The following DSC2 variants were observed in gnomAD, a reference collection of about 807,000 sequenced individuals.
DSC2 encodes desmocollin-2.
DSC2 carries 51 observed loss-of-function variants against 87.6 expected under a neutral mutation model. That is an observed-to-expected ratio of 0.58 (90% confidence interval 0.46 to 0.74). DSC2 has a LOEUF of 0.74. DSC2 is among the 30% of genes least tolerant of loss of function. DSC2 has a pLI of 0.00. For synonymous variants in DSC2, 383 were observed against 393.2 expected (o/e 0.97, Z 0.31); for missense variants, 1,066 against 1,089.5 (o/e 0.98, Z 0.30).
Position 31,080,153 on chromosome 18 carries a change from G to T in DSC2, c.1463C>A (p.Thr488Lys). The T allele has an allele frequency of 6.2e-7, 1 of 1,613,992 alleles. No homozygotes were observed. Among genetic ancestry groups the T allele is most frequent in the Non-Finnish European group, 8.5e-7 (1 of 1,179,998 alleles). The change falls in exon 10 of 16, where the codon ACA (threonine) becomes AAA (lysine). Residue 488 changes from threonine to lysine, a missense_variant. Physicochemically the swap from Thr to Lys is moderately conservative, Grantham distance 78 (BLOSUM62 -1). Transcript: ENST00000280904. ...ATATGCTTTATATCCATTGCTTGTT[G>T]TTCCCACTTCTGCATTTTCTTTCAT... ...VRMKENAEVG[T>K]TSNGYKAYDP...
intron 1 of DSC2, 93 bp downstream of exon 1, chr18:31,101,810 C>T: frequency 3.1e-6 from 4 of 1,307,776 alleles, no homozygotes; most frequent in Non-Finnish European, 4.1e-6. Flanking sequence ...CCAGCTTTTC[C>T]CGCCACCCCC....
Position 31,071,820 on chromosome 18 carries a change from T to C in DSC2, c.1910A>G (p.Tyr637Cys), listed in dbSNP as rs758990451. The C allele has an allele frequency of 1.2e-6, 2 of 1,613,778 alleles. No individual in the cohort carries two copies. Among genetic ancestry groups the C allele is most frequent in the Admixed American group, 3.3e-5 (2 of 60,018 alleles). Reference sequence around the variant, plus strand: ...TGAGCCAAATGGAGGATCATTCTGATAGGAAAGACGTGCTGCTGTATCTGA... The same window carrying C: ...TGAGCCAAATGGAGGATCATTCTGACAGGAAAGACGTGCTGCTGTATCTGA... ...AINDTAARLS[Y>C]QNDPPFGSYV... The change falls in exon 13 of 16, where the codon TAT becomes TGT. Residue 637 changes from tyrosine to cysteine, a missense_variant. Physicochemically the swap from Tyr to Cys is radical, Grantham distance 194. Transcript: ENST00000280904.
chr18:31,079,139 T>C (rs1458666771), intron 11 of DSC2, among the ~76,000 whole-genome samples: 1 of 152,200 alleles, frequency 6.6e-6, no homozygotes, highest in Admixed American at 6.5e-5. Context: ...TGTGTAAGTA[T>C]GTTTTCCAGG....
rs564893512 is a variant in DSC2, at chr18:31,061,604, C to G, written c.*6411G>C. On this transcript the variant is annotated 3_prime_UTR_variant, in exon 16 of 16. Transcript: ENST00000280904. ...TTTTAAATTAAAGTGCTCTGTTTACCTGACTAGCTATTTCAAAGCTCTAGC... is the reference window on the plus strand; with the variant it reads ...TTTTAAATTAAAGTGCTCTGTTTACGTGACTAGCTATTTCAAAGCTCTAGC... 6.6e-6 allele frequency: 1 copy of G among 152,228 alleles called. No homozygotes were observed. The highest frequency in any genetic ancestry group is 6.5e-5 in the Admixed American group (1 of 15,270). The allele number at this position is 152,228 out of a possible 1,614,324, so 9.4% of individuals were successfully genotyped here.
intron 11 of DSC2, among the ~76,000 whole-genome samples, chr18:31,079,100 A>G (rs1397629444): frequency 1.3e-5 from 2 of 152,256 alleles, no homozygotes; most frequent in African/African-American, 4.8e-5. Flanking sequence ...CTTCCTGTAA[A>G]AAGTTAGAGC....
intron 11 of DSC2, among the ~76,000 whole-genome samples, chr18:31,078,260 G>T (rs1233549228): frequency 6.6e-6 from 1 of 152,148 alleles, no homozygotes; most frequent in Non-Finnish European, 1.5e-5. Flanking sequence ...AATTCACAAA[G>T]TAAACACATG....
chr18:31,064,501 AAAG>A lies in DSC2; in HGVS notation c.*3511_*3513del, dbSNP rs2144772443. 6.6e-6 allele frequency: 1 copy of A among 152,318 alleles called. No homozygotes were observed. The highest frequency in any genetic ancestry group is 2.1e-4 in the South Asian group (1 of 4,834). 9.4% of individuals were successfully genotyped at this position (152,318 alleles called of 1,614,324 possible). ...TGGCAAAAAATAGAGGATGCTATGG[AAAG>A]AAGAGAGAGGAATCAAGGATTCTCT... On this transcript the variant is annotated 3_prime_UTR_variant, in exon 16 of 16. Transcript: ENST00000280904.
intron 1 of DSC2, among the ~76,000 whole-genome samples, chr18:31,095,608 T>C (rs1347528668): frequency 6.6e-6 from 1 of 152,158 alleles, no homozygotes; most frequent in Non-Finnish European, 1.5e-5. Context: ...AGACAATTCT[T>C]TGAATAACAG....
intron 1 of DSC2, among the ~76,000 whole-genome samples, chr18:31,100,216 T>C (rs1987893845): frequency 6.6e-6 from 1 of 152,042 alleles, no homozygotes; most frequent in Non-Finnish European, 1.5e-5. Context: ...TCCCCGCCTA[T>C]CAAACTCCGA....
intron 5 of DSC2, among the ~76,000 whole-genome samples, chr18:31,089,189 C>A (rs1987504872): frequency 7.1e-6 from 1 of 141,256 alleles, no homozygotes; most frequent in African/African-American, 2.6e-5. Flanking sequence ...AAAAACTGTT[C>A]TTCAAAGTGG....
chr18:31,079,636 G>GTTTC (rs1321571771), intron 11 of DSC2, among the ~76,000 whole-genome samples: 82 of 152,230 alleles, frequency 5.4e-4, no homozygotes, highest in African/African-American at 1.8e-3. Flanking sequence ...GTTTCTAAGA[G>GTTTC]TAAATTATTT....
chr18:31,091,191 T>C (rs1350005486), intron 3 of DSC2, 44 bp from the exon 4 acceptor site: 2 of 1,607,964 alleles, frequency 1.2e-6, no homozygotes, highest in Non-Finnish European at 1.7e-6. Context: ...CAATGACTAC[T>C]TTATTCTCAA....
Position 31,089,569 on chromosome 18 carries a change from T to G in DSC2, c.500A>C (p.Tyr167Ser), listed in dbSNP as rs1987523408. The G allele has an allele frequency of 1.2e-6, 2 of 1,613,958 alleles. No homozygotes were observed. Among genetic ancestry groups the G allele is most frequent in the Non-Finnish European group, 1.7e-6 (2 of 1,179,918 alleles). ...ACCTCTTATGGAATAGTATATGGTA[T>G]AGTTTTGGGCCGTGTCAGATTGAAC... ...QQVQSDTAQN[Y>S]TIYYSIRGPG... Residue 167 changes from tyrosine (Y) to serine (S), a missense_variant, in exon 5 of 16, where the codon TAT becomes TCT. Coordinates refer to ENST00000280904, the MANE Select transcript of DSC2 (RefSeq NM_024422.6).
In DSC2 at chr18:31,093,598, C is replaced by T. The variant is rs1447651355; in HGVS notation, c.115G>A (p.Val39Ile). Reference sequence around the variant, plus strand: ...TTCTCGGCATCTAGTTTGGAGGGAACATGTAATGTCACATTTTTGCAGGCA... The same window carrying T: ...TTCTCGGCATCTAGTTTGGAGGGAATATGTAATGTCACATTTTTGCAGGCA... ...SDACKNVTLH[V>I]PSKLDAEKLV... Residue 39 changes from valine (V) to isoleucine (I), a missense_variant, in exon 2 of 16, where the codon GTT becomes ATT. Transcript: ENST00000280904. The T allele has an allele frequency of 3.1e-6, 5 of 1,602,886 alleles. No homozygotes were observed. Among genetic ancestry groups the T allele is most frequent in the Non-Finnish European group, 2.6e-6 (3 of 1,172,846 alleles).
At position 31,062,872 on chromosome 18, in the gene DSC2, C is replaced by T. The variant is rs1986527490; in HGVS notation, c.*5143G>A. 6.6e-6 allele frequency: 1 copy of T among 152,182 alleles called. No homozygotes were observed. Among genetic ancestry groups the T allele is most frequent in the Non-Finnish European group, 1.5e-5 (1 of 68,036 alleles). 9.4% of individuals were successfully genotyped at this position (152,182 alleles called of 1,614,324 possible). A position where few individuals can be genotyped will look rare whatever the true frequency, so the allele number is the denominator to read the frequency against. Reference sequence around the variant, plus strand: ...TGTGAATGCAAACAATTGTTCTAGTCATTCAATGTCTTCTGAGGAAAAACA... The same window carrying T: ...TGTGAATGCAAACAATTGTTCTAGTTATTCAATGTCTTCTGAGGAAAAACA... On this transcript the variant is annotated 3_prime_UTR_variant, in exon 16 of 16. Transcript: ENST00000280904.
chr18:31,068,994 T>G lies in DSC2; in HGVS notation c.2408A>C (p.His803Pro). Residue 803 changes from histidine (H) to proline (P), a missense_variant, in exon 15 of 16, where the codon CAT becomes CCT. Coordinates refer to ENST00000280904, the MANE Select transcript of DSC2 (RefSeq NM_024422.6). Reference sequence around the variant, plus strand: ...TCCCCTGCAGGAGTCCAGGGTGTGATGGTGGCCAGCCCCCCGGCAGGATTC... The same window carrying G: ...TCCCCTGCAGGAGTCCAGGGTGTGAGGGTGGCCAGCCCCCCGGCAGGATTC... ...TSESCRGAGH[H>P]HTLDSCRGGH... 2 of 1,614,086 alleles carry G rather than the reference T, an allele frequency of 1.2e-6. No homozygotes were observed. Among genetic ancestry groups the G allele is most frequent in the Non-Finnish European group, 8.5e-7 (1 of 1,179,982 alleles).
In DSC2 at chr18:31,089,564, T is replaced by C. The variant is rs1292275469; in HGVS notation, c.505A>G (p.Ile169Val). 3 of 1,613,974 alleles carry C rather than the reference T, an allele frequency of 1.9e-6. No individual in the cohort carries two copies. The highest frequency in any genetic ancestry group is 1.1e-5 in the South Asian group (1 of 91,082). ...CCAGGACCTCTTATGGAATAGTATA[T>C]GGTATAGTTTTGGGCCGTGTCAGAT... Reference protein sequence around the residue: ...VQSDTAQNYTIYYSIRGPGVD... With the variant: ...VQSDTAQNYTVYYSIRGPGVD... Residue 169 changes from isoleucine to valine, a missense_variant, in exon 5 of 16, where the codon ATA becomes GTA. Ile to Val is a conservative substitution (Grantham distance 29). Coordinates refer to ENST00000280904, the MANE Select transcript of DSC2 (RefSeq NM_024422.6).
chr18:31,091,576 G>C (rs1370445147), intron 3 of DSC2: 4 of 459,044 alleles, frequency 8.7e-6, no homozygotes, highest in Admixed American at 7.0e-5. Flanking sequence ...ATCTGTGTCA[G>C]AATGAGGAGA....
At chr18:31,088,889 C>T (rs575386930) in intron 5 of DSC2, among the ~76,000 whole-genome samples, 12 of 152,178 alleles carry the variant, frequency 7.9e-5, no homozygotes, top group African/African-American at 2.9e-4. Flanking sequence ...CTTGGCCGGG[C>T]ACGGTGGCTC....
Sources: gnomAD v4.1 joint callset for allele counts (sites outside exome capture counted in the v4.1 genomes callset) on GRCh38, gnomAD v4.1.1 for gene constraint, MANE v1.5 for transcripts, NCBI Gene and HGNC (gene_info 2026-07-23, HGNC 2026-07-21) for gene names.